C4orf51: variants seen among roughly 807,000 people sequenced by gnomAD.
C4orf51 encodes the protein chromosome 4 open reading frame 51, also known as uncharacterized protein C4orf51.
C4orf51 carries 25 observed loss-of-function variants against 25.2 expected under a neutral mutation model. That is an observed-to-expected ratio of 0.99 (90% CI 0.72 to 1.39). The LOEUF is 1.39. Among genes scored for constraint, C4orf51 ranks in the 40% most tolerant of loss-of-function variants. The pLI is 0.00. For synonymous variants in C4orf51, 100 were observed against 84.5 expected (o/e 1.18, Z -1.01); for missense variants, 252 against 239.6 (o/e 1.05, Z -0.34).
intron 1 of C4orf51, among the ~76,000 whole-genome samples, chr4:145,742,608 C>T (rs1404801551): frequency 2.8e-5 from 4 of 142,764 alleles, no homozygotes; most frequent in Middle Eastern, 3.6e-3. Flanking sequence ...GGCACGATCT[C>T]AGCTCACTGC....
At chr4:145,728,057 C>T (rs1732207656) in intron 3 of C4orf51, among the ~76,000 whole-genome samples, 1 of 141,026 alleles carries the variant, frequency 7.1e-6, no homozygotes, top group South Asian at 2.2e-4. Flanking sequence ...TACACACACA[C>T]ACACACACAC....
chr4:145,706,840 T>TC (rs1359144050), intron 2 of C4orf51, among the ~76,000 whole-genome samples: 1 of 149,750 alleles, frequency 6.7e-6, no homozygotes, highest in Non-Finnish European at 1.5e-5. Flanking sequence ...AGACAGAGTT[T>TC]CCCTCTTGTC....
intron 2 of C4orf51, among the ~76,000 whole-genome samples, chr4:145,699,562 C>T (rs1362130483): frequency 6.6e-6 from 1 of 152,134 alleles, no homozygotes; most frequent in Non-Finnish European, 1.5e-5. Context: ...ACAAAGGAGA[C>T]ATGTTTTATC....
At position 145,722,654 on chromosome 4, in the gene C4orf51, A is replaced by G. The variant is rs528014540; in HGVS notation, c.308-4257A>G. Among the ~76,000 whole-genome samples the G allele has an allele frequency of 1.4e-4, 21 of 152,302 alleles. No individual in the cohort carries two copies. In the South Asian group the frequency reaches 4.1e-3, roughly 30 times the overall value. On this transcript the variant is annotated intron_variant, in intron 2 of 5. Transcript: ENST00000438731. ...AAATCTGATGAAAGCTCTGGGACCT[A>G]TCTTCAGAAAAATATTCATAAAAAT...
Position 145,765,244 on chromosome 4 carries a change from C to A in C4orf51, n.167-5744C>A. On this transcript the variant is annotated intron_variant and non_coding_transcript_variant, in intron 1 of 1. Transcript: ENST00000510096. The surrounding 1 kb of genome is among the most constrained non-coding windows in gnomAD (Gnocchi z 4.7). Reference sequence around the variant, plus strand: ...GCAGGAGTGGAGCCAAGCTCCTCCCCACTTCCTCCCGCCTCCTCCGACGCC... The same window carrying A: ...GCAGGAGTGGAGCCAAGCTCCTCCCAACTTCCTCCCGCCTCCTCCGACGCC... The A allele has an allele frequency of 6.9e-7, 1 of 1,441,326 alleles. No individual in the cohort carries two copies. Among genetic ancestry groups the A allele is most frequent in the Non-Finnish European group, 9.3e-7 (1 of 1,080,184 alleles). The allele number at this position is 1,441,326 out of a possible 1,614,324, so 89.3% of individuals were successfully genotyped here. A position where few individuals can be genotyped will look rare whatever the true frequency, so the allele number is the denominator to read the frequency against.
chr4:145,755,925 G>C (rs1332730778), downstream of C4orf51, among the ~76,000 whole-genome samples: 2 of 152,178 alleles, frequency 1.3e-5, no homozygotes, highest in East Asian at 3.8e-4. Context: ...GCTGCTGCTG[G>C]GAAGGGTTCC....
intron 2 of C4orf51, among the ~76,000 whole-genome samples, chr4:145,708,522 A>G (rs879280985): frequency 2.0e-5 from 3 of 152,094 alleles, no homozygotes; most frequent in Non-Finnish European, 4.4e-5. Context: ...TCCCCTATTC[A>G]TCCTTAGGGT....
intron 1 of C4orf51, among the ~76,000 whole-genome samples, chr4:145,685,559 G>A (rs1393605623): frequency 6.6e-6 from 1 of 152,162 alleles, no homozygotes; most frequent in Non-Finnish European, 1.5e-5. Context: ...GTGACTGGGG[G>A]CTGCATGCAC....
At chr4:145,728,153 G>A (rs1052867801) in intron 3 of C4orf51, among the ~76,000 whole-genome samples, 7 of 149,406 alleles carry the variant, frequency 4.7e-5, no homozygotes, top group African/African-American at 1.7e-4. Context: ...CGTTTTTGTA[G>A]CTGTAAAATC....
intron 5 of C4orf51, among the ~76,000 whole-genome samples, chr4:145,730,195 T>C (rs546493127): frequency 7.9e-5 from 12 of 152,150 alleles, no homozygotes; most frequent in Non-Finnish European, 1.6e-4. Flanking sequence ...CACAGCTGTT[T>C]TGGAAACAAG....
intron 5 of C4orf51, among the ~76,000 whole-genome samples, 190 bp downstream of exon 5, chr4:145,730,155 A>G (rs1732382551): frequency 6.6e-6 from 1 of 152,222 alleles, no homozygotes; most frequent in Non-Finnish European, 1.5e-5. Flanking sequence ...TTCTTAAAGC[A>G]TCATGAATAG....
In C4orf51 at chr4:145,732,679, G is replaced by A; in HGVS notation, c.*119G>A. The A allele has an allele frequency of 3.5e-6, 2 of 570,554 alleles. No individual in the cohort carries two copies. The highest frequency in any genetic ancestry group is 6.0e-6 in the Non-Finnish European group (2 of 333,754). The allele number at this position is 570,554 out of a possible 1,614,324, so 35.3% of individuals were successfully genotyped here. ...CCCCGCCCAGGAACGTCTGGACCCT[G>A]GCAGGTTGGCTTTCTGGGACAATTC... On this transcript the variant is annotated 3_prime_UTR_variant, in exon 6 of 6. Transcript: ENST00000438731.
At position 145,761,141 on chromosome 4, in the gene C4orf51, G is replaced by A; in HGVS notation, n.167-9847G>A. 1 of 1,289,774 alleles carries A rather than the reference G, an allele frequency of 7.8e-7. No individual in the cohort carries two copies. Among genetic ancestry groups the A allele is most frequent in the Non-Finnish European group, 1.0e-6 (1 of 988,806 alleles). 79.9% of individuals were successfully genotyped at this position (1,289,774 alleles called of 1,614,324 possible). On this transcript the variant is annotated intron_variant and non_coding_transcript_variant, in intron 1 of 1. Transcript: ENST00000510096. This position sits in a 1 kb window ranked among gnomAD's most constrained non-coding sequence, Gnocchi z 6.8. ...AGGAGCGGGGCCCCCGGGCCGGCCG[G>A]TTCCTTGGGGGCTGGACACAGGCCC...
chr4:145,750,960 A>C (rs1733639917), intron 1 of C4orf51, among the ~76,000 whole-genome samples: 1 of 152,112 alleles, frequency 6.6e-6, no homozygotes, highest in Non-Finnish European at 1.5e-5. Flanking sequence ...TATGTCAATC[A>C]CATTTTTCAG....
At chr4:145,706,145 T>A (rs1028129167) in intron 2 of C4orf51, among the ~76,000 whole-genome samples, 43 of 152,310 alleles carry the variant, frequency 2.8e-4, no homozygotes, top group African/African-American at 1.0e-3. Flanking sequence ...TGAAACAGAT[T>A]TTTTTTCTCT....
At chr4:145,704,096 G>A (rs1433126915) in intron 2 of C4orf51, among the ~76,000 whole-genome samples, 1 of 152,210 alleles carries the variant, frequency 6.6e-6, no homozygotes, top group Non-Finnish European at 1.5e-5. Context: ...TTAGTGGCAA[G>A]GCAGGTTTAG....
At position 145,687,993 on chromosome 4, in the gene C4orf51, A is replaced by G. The variant is rs369509909; in HGVS notation, c.233+7557A>G. Among the ~76,000 whole-genome samples, 4 of 152,116 alleles carry G rather than the reference A, an allele frequency of 2.6e-5. No homozygotes were observed. The East Asian group carries it at 7.7e-4, about 29-fold the overall frequency. ...CCAGTAACAGTTGAAAATGATGTAA[A>G]AAATGCCACATACCAGCCTGGGCAA... On this transcript the variant is annotated intron_variant, in intron 1 of 5. Transcript: ENST00000438731.
chr4:145,780,702 T>C, the C4orf51 span, among the ~76,000 whole-genome samples: 2 of 152,338 alleles, frequency 1.3e-5, no homozygotes, highest in African/African-American at 4.8e-5. Flanking sequence ...GAGACACTTC[T>C]AAAAGGACAC....
intron 1 of C4orf51, among the ~76,000 whole-genome samples, chr4:145,749,356 A>G (rs1438099626): frequency 2.0e-5 from 3 of 151,998 alleles, no homozygotes; most frequent in South Asian, 2.1e-4. Flanking sequence ...TTTAAAATCT[A>G]TTCAGCTGCT....
Sources: allele counts gnomAD v4.1 joint callset (sites outside exome capture counted in the v4.1 genomes callset), GRCh38; gene constraint gnomAD v4.1.1; non-coding constraint Gnocchi (gnomAD v3.1); transcripts MANE v1.5; gene names NCBI Gene and HGNC (gene_info 2026-07-23, HGNC 2026-07-21).